Variants in NSD1 observed in about 807,000 individuals in gnomAD.
NSD1 encodes the protein histone-lysine N-methyltransferase, H3 lysine-36 specific.
Under a neutral mutation model 242.7 loss-of-function variants are expected in NSD1, and 26 were observed. That is an observed-to-expected ratio of 0.11 (90% CI 0.08 to 0.15). The LOEUF (loss-of-function observed/expected upper bound fraction) is 0.15. Ranked by LOEUF, NSD1 falls within the 10% of genes least tolerant of loss-of-function variation. NSD1 has a pLI of 1.00. For synonymous variants in NSD1, 1,106 were observed against 1,178.1 expected (o/e 0.94, Z 1.25); for missense variants, 2,495 against 3,272.8 (o/e 0.76, Z 5.80).
intron 2 of NSD1, among the ~76,000 whole-genome samples, chr5:177,154,501 A>G (rs1757964650): frequency 1.3e-5 from 2 of 152,214 alleles, no homozygotes; most frequent in Admixed American, 6.6e-5. Flanking sequence ...TAAAAAATAC[A>G]TGAAAAGTTA....
rs1006906224 is a variant in NSD1, at chr5:177,211,437, C to T, written c.3038C>T (p.Ser1013Leu). The change falls in exon 5 of 23, where the codon TCA (serine) becomes TTA (leucine). Residue 1013 changes from serine to leucine, a missense_variant. Ser to Leu is a moderately radical substitution (Grantham distance 145, BLOSUM62 -2). Around this residue, in one of 19 missense-constraint regions of NSD1, gnomAD observed 426 missense variants for 411.4 expected, o/e 1.04. Coordinates refer to ENST00000439151, the MANE Select transcript of NSD1 (RefSeq NM_022455.5). ...CTCCCTGCTTCTGGTAAAAGTCGTT[C>T]AGACTGTGTTACTAGGCGCAACTGT... ...RDLPASGKSR[S>L]DCVTRRNCGR... is the part of the protein sequence containing the mutation. The T allele has an allele frequency of 6.2e-7, 1 of 1,614,150 alleles. No homozygotes were observed.
intron 4 of NSD1, among the ~76,000 whole-genome samples, chr5:177,207,888 A>C (rs1450496720): frequency 1.3e-5 from 2 of 151,750 alleles, no homozygotes; most frequent in Non-Finnish European, 2.9e-5. Context: ...GACCATATGC[A>C]TGCAGCATGT....
intron 17 of NSD1, among the ~76,000 whole-genome samples, chr5:177,276,685 A>G (rs1221274415): frequency 6.6e-6 from 1 of 151,978 alleles, no homozygotes; most frequent in Non-Finnish European, 1.5e-5. Flanking sequence ...TATGTTGCCT[A>G]GGCCGATCTC....
At chr5:177,185,851 AT>A (rs1362104068) in intron 2 of NSD1, among the ~76,000 whole-genome samples, 11 of 91,914 alleles carry the variant, frequency 1.2e-4, no homozygotes, top group Non-Finnish European at 1.5e-4. Flanking sequence ...TTAAATATAT[AT>A]TATATATTAT....
chr5:177,239,193 A>G (rs1765668449), intron 7 of NSD1, among the ~76,000 whole-genome samples: 1 of 152,256 alleles, frequency 6.6e-6, no homozygotes, highest in Non-Finnish European at 1.5e-5. Flanking sequence ...CCTTAAAGAA[A>G]CGATTCCAAT....
At position 177,283,925 on chromosome 5, in the gene NSD1, G is replaced by A; in HGVS notation, c.6148G>A (p.Ala2050Thr). 1 of 1,614,152 alleles carries A rather than the reference G, an allele frequency of 6.2e-7. No individual in the cohort carries two copies. Among genetic ancestry groups the A allele is most frequent in the East Asian group, 2.2e-5 (1 of 44,882 alleles). The change falls in exon 20 of 23, where the codon GCA (alanine) becomes ACA (threonine). Residue 2050 changes from alanine (A) to threonine (T), a missense_variant. Physicochemically the swap from Ala to Thr is moderately conservative, Grantham distance 58 (BLOSUM62 0). Transcript: ENST00000439151. ...CCTTTTTGCACTAAGTGACATTAAA[G>A]CAGGTAAGAATCATTTCAGGATTCT... is the stretch of plus-strand genomic sequence containing the variant. ...VGLFALSDIK[A>T]GTELTFNYNL...
intron 17 of NSD1, among the ~76,000 whole-genome samples, chr5:177,276,676 A>T (rs1758412918): frequency 6.6e-6 from 1 of 151,648 alleles, no homozygotes; most frequent in Non-Finnish European, 1.5e-5. Context: ...TGATTTCACT[A>T]TGTTGCCTAG....
intron 19 of NSD1, among the ~76,000 whole-genome samples, chr5:177,283,243 C>T (rs572238967): frequency 1.4e-4 from 21 of 152,298 alleles, no homozygotes; most frequent in Middle Eastern, 3.4e-3. Flanking sequence ...CATGAGCCAC[C>T]GCACCTGGCC....
At chr5:177,281,399 C>T (rs1261580180) in intron 18 of NSD1, among the ~76,000 whole-genome samples, 1 of 147,958 alleles carries the variant, frequency 6.8e-6, no homozygotes, top group Non-Finnish European at 1.5e-5. Flanking sequence ...TTATTGGTTT[C>T]CAGGAAATGT....
At chr5:177,154,000 G>A (rs537907593) in intron 2 of NSD1, among the ~76,000 whole-genome samples, 9 of 152,134 alleles carry the variant, frequency 5.9e-5, no homozygotes, top group African/African-American at 2.2e-4. Flanking sequence ...TAGCTGGATG[G>A]TGCTGGCTCA....
chr5:177,203,716 C>T (rs1018696424), intron 3 of NSD1, among the ~76,000 whole-genome samples: 1 of 142,836 alleles, frequency 7.0e-6, no homozygotes, highest in Non-Finnish European at 1.5e-5. Flanking sequence ...TTCACGTTTT[C>T]TTGGGTTTTT....
intron 5 of NSD1, among the ~76,000 whole-genome samples, chr5:177,234,507 A>G (rs766356195): frequency 6.6e-6 from 1 of 152,214 alleles, no homozygotes; most frequent in East Asian, 1.9e-4. Flanking sequence ...ACTTGAGGTC[A>G]GGAGTTCGAG....
rs1581527915 is a variant in NSD1 at position 177,280,791 on chromosome 5, T to C, written c.5849T>C (p.Leu1950Ser). 1 of 1,614,122 alleles carries C rather than the reference T, an allele frequency of 6.2e-7. No homozygotes were observed. The highest frequency in any genetic ancestry group is 8.5e-7 in the Non-Finnish European group (1 of 1,180,048). ...CCAGAGGTTGAAATTTTCCGCACAT[T>C]ACAGCGGGGTTGGGGTCTACGGACA... Reference protein sequence around the residue: ...QYPEVEIFRTLQRGWGLRTKT... With the variant: ...QYPEVEIFRTSQRGWGLRTKT... The change falls in exon 18 of 23, where the codon TTA becomes TCA. Residue 1950 changes from leucine to serine, a missense_variant. Physicochemically the swap from Leu to Ser is moderately radical, Grantham distance 145. Transcript: ENST00000439151.
At chr5:177,279,724 C>G (rs1162895397) in intron 17 of NSD1, among the ~76,000 whole-genome samples, 2 of 135,524 alleles carry the variant, frequency 1.5e-5, no homozygotes, top group African/African-American at 2.7e-5. Context: ...TCACACCATT[C>G]TCCTGCCTCA....
intron 20 of NSD1, among the ~76,000 whole-genome samples, chr5:177,286,618 T>C (rs1439568433): frequency 1.3e-5 from 2 of 152,220 alleles, no homozygotes; most frequent in Non-Finnish European, 2.9e-5. Flanking sequence ...TCTCATTCTT[T>C]TCTCCCTTTT....
chr5:177,266,520 C>A, intron 14 of NSD1: 1 of 636,424 alleles, frequency 1.6e-6, no homozygotes, highest in Non-Finnish European at 2.8e-6. Flanking sequence ...CGACGTTCGG[C>A]TTCTCGCTGC....
At chr5:177,159,495 T>C (rs1048280321) in intron 2 of NSD1, among the ~76,000 whole-genome samples, 1 of 151,872 alleles carries the variant, frequency 6.6e-6, no homozygotes, top group Non-Finnish European at 1.5e-5. Flanking sequence ...ATTGGTTAGG[T>C]TGGTCTCAAA....
At chr5:177,220,763 GT>G (rs771598005) in intron 5 of NSD1, among the ~76,000 whole-genome samples, 7 of 151,622 alleles carry the variant, frequency 4.6e-5, no homozygotes, top group Non-Finnish European at 7.4e-5. Flanking sequence ...TAGAGACAGG[GT>G]TTTGCAGTGT....
At position 177,211,064 on chromosome 5, in the gene NSD1, C is replaced by G; in HGVS notation, c.2665C>G (p.Leu889Val). The change falls in exon 5 of 23, where the codon CTT becomes GTT. Residue 889 changes from leucine to valine, a missense_variant. Around this residue, in one of 19 missense-constraint regions of NSD1, gnomAD observed 121 missense variants for 167.2 expected, o/e 0.72. Transcript: ENST00000439151. ...AACATCAAAGCCATCAAAACCATTA[C>G]TTTTCTCTTCTGCTTCTAGTCAGAA... The part of the protein sequence containing the change: ...SGTSKPSKPL[L>V]FSSASSQNHI... The G allele has an allele frequency of 6.2e-7, 1 of 1,614,200 alleles. No homozygotes were observed. The highest frequency in any genetic ancestry group is 8.5e-7 in the Non-Finnish European group (1 of 1,180,034).
Sources: allele counts gnomAD v4.1 joint callset (sites outside exome capture counted in the v4.1 genomes callset), GRCh38; gene constraint gnomAD v4.1.1; regional missense constraint gnomAD v4.1.1; transcripts MANE v1.5; gene names NCBI Gene and HGNC (gene_info 2026-07-23, HGNC 2026-07-21).